JPH3: variants seen among roughly 807,000 people sequenced by gnomAD.
JPH3 encodes junctophilin 3.
Under a neutral mutation model 59.6 loss-of-function variants are expected in JPH3, and 11 were observed. The observed-to-expected ratio is 0.18, with a 90% CI of 0.12 to 0.31. The LOEUF (loss-of-function observed/expected upper bound fraction) is 0.31. Among genes scored for constraint, JPH3 ranks in the 10% least tolerant of loss-of-function variants. The pLI is 1.00. For missense variants in JPH3, 1,202 were observed against 1,105.7 expected, an observed-to-expected ratio of 1.09 and a Z score of -1.24; for synonymous variants, 673 against 483.6, an observed-to-expected ratio of 1.39 and a Z score of -5.14.
At chr16:87,669,281 G>A (rs1034042276) in intron 2 of JPH3, among the ~76,000 whole-genome samples, 1 of 152,210 alleles carries the variant, frequency 6.6e-6, no homozygotes, top group Non-Finnish European at 1.5e-5. Context: ...TGCTGGGTAG[G>A]ATGGGGTTGC....
chr16:87,657,982 A>G (rs1190441960), intron 2 of JPH3, among the ~76,000 whole-genome samples: 1 of 152,200 alleles, frequency 6.6e-6, no homozygotes, highest in Non-Finnish European at 1.5e-5. Context: ...GTCACGCTCC[A>G]GGACATAAAT....
rs774674671 is a variant in JPH3, at chr16:87,644,760, C to T, written c.885C>T (p.Asp295=). ...TETYVGEWKN[D]KRSGFGVSQR... The stretch of plus-strand genomic sequence containing the variant: ...CCTACGTGGGCGAGTGGAAGAACGA[C>T]AAACGCTCCGGCTTCGGCGTGAGCC... The change falls in exon 2 of 5, where the codon GAC becomes GAT. Residue 295 remains aspartate, a synonymous_variant. Transcript: ENST00000284262. 8.1e-6 allele frequency: 13 copies of T among 1,613,188 alleles called. No individual in the cohort carries two copies. The East Asian group carries it at 2.5e-4, about 30-fold the overall frequency.
At chr16:87,621,111 A>G (rs886117213) in intron 1 of JPH3, among the ~76,000 whole-genome samples, 4 of 152,224 alleles carry the variant, frequency 2.6e-5, no homozygotes, top group African/African-American at 9.6e-5. Context: ...GTGAGCCGAA[A>G]TCGTGCCACT....
intron 4 of JPH3, among the ~76,000 whole-genome samples, chr16:87,691,614 A>C (rs2033577841): frequency 6.6e-6 from 1 of 152,074 alleles, no homozygotes; most frequent in Non-Finnish European, 1.5e-5. Context: ...CCCCACCCCC[A>C]GAGGGGTCAC....
At chr16:87,659,744 G>A (rs560795336) in intron 2 of JPH3, among the ~76,000 whole-genome samples, 2 of 151,896 alleles carry the variant, frequency 1.3e-5, no homozygotes, top group Admixed American at 6.6e-5. Flanking sequence ...AAAAAAAAAA[G>A]GATGATTTTT....
chr16:87,628,701 G>A (rs528679218), intron 1 of JPH3, among the ~76,000 whole-genome samples: 17 of 152,320 alleles, frequency 1.1e-4, no homozygotes, highest in African/African-American at 3.6e-4. Flanking sequence ...TCAGTGGCCC[G>A]TGGAAACCCC....
rs2033883697 is a variant in JPH3 at position 87,696,851 on chromosome 16, T to A, written c.*191T>A. 2.2e-5 allele frequency: 13 copies of A among 599,356 alleles called. No homozygotes were observed. In the East Asian group the frequency reaches 3.7e-4, roughly 17 times the overall value. The allele number at this position is 599,356 out of a possible 1,614,324, so 37.1% of individuals were successfully genotyped here. On this transcript the variant is annotated 3_prime_UTR_variant, in exon 5 of 5. Coordinates refer to ENST00000284262, the MANE Select transcript of JPH3 (RefSeq NM_020655.4). ...TTTCTGGGTAATGTTTTTTGGATTT[T>A]AGCCAAAATTCTTTGCTTGTATAAC...
intron 2 of JPH3, among the ~76,000 whole-genome samples, chr16:87,659,251 C>A (rs914114728): frequency 2.0e-5 from 3 of 151,840 alleles, no homozygotes; most frequent in Admixed American, 6.6e-5. Context: ...GTGGCAGGCA[C>A]CTGTAATCCC....
At chr16:87,643,622 C>T (rs1313715482) in intron 1 of JPH3, among the ~76,000 whole-genome samples, 4 of 152,220 alleles carry the variant, frequency 2.6e-5, no homozygotes, top group African/African-American at 9.6e-5. Flanking sequence ...GACGCGTTTC[C>T]TTGTGCCCTT....
chr16:87,678,214 C>T (rs1250425442), intron 2 of JPH3, among the ~76,000 whole-genome samples: 1 of 151,396 alleles, frequency 6.6e-6, no homozygotes, highest in African/African-American at 2.4e-5. Context: ...GCACTCCAGC[C>T]TGGGTGACAA....
At chr16:87,634,725 A>G (rs2031676679) in intron 1 of JPH3, among the ~76,000 whole-genome samples, 1 of 152,184 alleles carries the variant, frequency 6.6e-6, no homozygotes, top group African/African-American at 2.4e-5. Flanking sequence ...AGAGTGAATC[A>G]GTGGTCCAGT....
At chr16:87,619,159 T>C (rs971388392) in intron 1 of JPH3, among the ~76,000 whole-genome samples, 65 of 150,350 alleles carry the variant, frequency 4.3e-4, no homozygotes, top group African/African-American at 1.5e-3. Context: ...CTATAAAAAA[T>C]GCAAAAAATT....
rs565683249 is a variant in JPH3 at position 87,672,396 on chromosome 16, C to G, written c.1161-11746C>G. On this transcript the variant is annotated intron_variant, in intron 2 of 4. Coordinates refer to ENST00000284262, the MANE Select transcript of JPH3 (RefSeq NM_020655.4). ...CCGCTGAGGGTGGTAAACACCCCAGCCGCGCCCTTGGCAGGGGTTCCGTCC... is the reference window on the plus strand; with the variant it reads ...CCGCTGAGGGTGGTAAACACCCCAGGCGCGCCCTTGGCAGGGGTTCCGTCC... Among the ~76,000 whole-genome samples the G allele has an allele frequency of 6.6e-5, 10 of 152,326 alleles. No homozygotes were observed. In the East Asian group the frequency reaches 1.9e-3, roughly 29 times the overall value.
upstream of JPH3, among the ~76,000 whole-genome samples, chr16:87,602,460 G>C: frequency 8.7e-6 from 1 of 115,546 alleles, no homozygotes; most frequent in Admixed American, 8.0e-5. Flanking sequence ...GCGGGGGGCG[G>C]GCGGGGGCGC....
chr16:87,674,249 G>C (rs1035807363), intron 2 of JPH3, among the ~76,000 whole-genome samples: 1 of 152,164 alleles, frequency 6.6e-6, no homozygotes, highest in Non-Finnish European at 1.5e-5. Flanking sequence ...CAGGAGAATG[G>C]CGTGAACCCG....
chr16:87,614,727 G>A (rs1263020266), intron 1 of JPH3, among the ~76,000 whole-genome samples: 10 of 144,346 alleles, frequency 6.9e-5, no homozygotes, highest in African/African-American at 2.1e-4. Context: ...CTGCACACAC[G>A]AGGAGCCGCG....
chr16:87,670,457 G>C (rs1426684158), intron 2 of JPH3, among the ~76,000 whole-genome samples: 1 of 152,200 alleles, frequency 6.6e-6, no homozygotes, highest in Non-Finnish European at 1.5e-5. Flanking sequence ...ACTGCACTGG[G>C]CACCAGGATC....
At chr16:87,618,304 G>A (rs1200213763) in intron 1 of JPH3, among the ~76,000 whole-genome samples, 2 of 152,260 alleles carry the variant, frequency 1.3e-5, no homozygotes, top group Admixed American at 6.5e-5. Flanking sequence ...AGAGGAAGAG[G>A]AGGCAGGAGG....
chr16:87,645,350 G>A (rs1442738170), intron 2 of JPH3, among the ~76,000 whole-genome samples: 1 of 152,342 alleles, frequency 6.6e-6, no homozygotes, highest in South Asian at 2.1e-4. Flanking sequence ...AAAGAAGGTG[G>A]TCTGTTCCGT....
Sources: allele counts gnomAD v4.1 joint callset (sites outside exome capture counted in the v4.1 genomes callset), GRCh38; gene constraint gnomAD v4.1.1; transcripts MANE v1.5; gene names NCBI Gene and HGNC (gene_info 2026-07-23, HGNC 2026-07-21).